Variants in ANKS1B observed in about 807,000 individuals in gnomAD.
ANKS1B encodes the protein ankyrin repeat and sterile alpha motif domain-containing protein 1B.
In ANKS1B, 36 loss-of-function variants were observed where a neutral mutation model predicts 148.3. The ratio of observed to expected loss-of-function variants is 0.24; its 90% CI spans 0.19 to 0.32. ANKS1B has a LOEUF of 0.32. Among genes scored for constraint, ANKS1B ranks in the 10% least tolerant of loss-of-function variants. The pLI, the probability that ANKS1B is intolerant of heterozygous loss-of-function variation, is 1.00. For synonymous variants in ANKS1B, 542 were observed against 560.8 expected (o/e 0.97, Z 0.47); for missense variants, 1,157 against 1,542.6 (o/e 0.75, Z 4.19).
intron 12 of ANKS1B, among the ~76,000 whole-genome samples, chr12:99,273,617 C>T (rs1261676868): frequency 1.5e-5 from 2 of 136,310 alleles, no homozygotes; most frequent in Admixed American, 7.7e-5. Flanking sequence ...TGCTCTGACA[C>T]CCAGGCTGGA....
intron 15 of ANKS1B, among the ~76,000 whole-genome samples, chr12:99,124,440 G>GTGTGTGTA (rs1212824632): frequency 6.6e-6 from 1 of 152,148 alleles, no homozygotes; most frequent in East Asian, 1.9e-4. Context: ...GTGTGTATGT[G>GTGTGTGTA]TGTAAGGCAG....
chr12:99,244,081 A>T (rs1289694041), intron 14 of ANKS1B, among the ~76,000 whole-genome samples: 1 of 107,510 alleles, frequency 9.3e-6, no homozygotes, highest in Non-Finnish European at 1.7e-5. Context: ...AAGTATTATT[A>T]AAAAATTCTA....
In ANKS1B at chr12:98,895,374, C is replaced by T. The variant is rs931504070; in HGVS notation, c.2779-63238G>A. On this transcript the variant is annotated intron_variant, in intron 17 of 26. Transcript: ENST00000683438. ...AGCAGCGGCGCGGCTCCGCGGGTGCCCAGGTGACCGGCTCGGCAGCGGCAG... is the reference window on the plus strand; with the variant it reads ...AGCAGCGGCGCGGCTCCGCGGGTGCTCAGGTGACCGGCTCGGCAGCGGCAG... 9.6e-6 allele frequency: 9 copies of T among 935,268 alleles called. No individual in the cohort carries two copies. In the African/African-American group the frequency reaches 1.2e-4, roughly 13 times the overall value. The allele number at this position is 935,268 out of a possible 1,614,324, so 57.9% of individuals were successfully genotyped here. A position where few individuals can be genotyped will look rare whatever the true frequency, so the allele number is the denominator to read the frequency against.
chr12:99,044,826 G>T (rs1392939211), intron 17 of ANKS1B, among the ~76,000 whole-genome samples: 1 of 152,180 alleles, frequency 6.6e-6, no homozygotes, highest in African/African-American at 2.4e-5. Flanking sequence ...CATGAAGCCA[G>T]CAGGGCAGGT....
At chr12:99,261,830 T>C (rs1454989105) in intron 12 of ANKS1B, among the ~76,000 whole-genome samples, 1 of 152,116 alleles carries the variant, frequency 6.6e-6, no homozygotes, top group African/African-American at 2.4e-5. Flanking sequence ...AACTCTTCAA[T>C]GGCACCTTGA....
At chr12:98,790,980 T>A (rs145394557) in intron 22 of ANKS1B, among the ~76,000 whole-genome samples, 1 of 152,252 alleles carries the variant, frequency 6.6e-6, no homozygotes, top group African/African-American at 2.4e-5. Context: ...CAAAGAGAAC[T>A]GGGGTTTGAA....
At chr12:99,541,113 T>C (rs2097121772) in intron 9 of ANKS1B, among the ~76,000 whole-genome samples, 1 of 152,186 alleles carries the variant, frequency 6.6e-6, no homozygotes, top group Non-Finnish European at 1.5e-5. Context: ...AGTAAGAGAT[T>C]GAATTTGTAA....
chr12:98,831,529 G>A (rs1463913798), intron 18 of ANKS1B: 1 of 153,192 alleles, frequency 6.5e-6, no homozygotes, highest in Admixed American at 6.5e-5. Flanking sequence ...TTCTTTAAAG[G>A]TAGTGGTTTG....
At chr12:98,764,658 T>C (rs1459409696) in intron 25 of ANKS1B, among the ~76,000 whole-genome samples, 1 of 152,228 alleles carries the variant, frequency 6.6e-6, no homozygotes, top group Non-Finnish European at 1.5e-5. Flanking sequence ...GCACAGCAAA[T>C]ATAAATGGCT....
chr12:99,199,052 T>C (rs1416833767), intron 14 of ANKS1B, among the ~76,000 whole-genome samples: 2 of 152,280 alleles, frequency 1.3e-5, no homozygotes, highest in Non-Finnish European at 2.9e-5. Context: ...TAGTACTAAA[T>C]TGCCAGCTGT....
chr12:99,165,701 A>G (rs576321672), intron 14 of ANKS1B, among the ~76,000 whole-genome samples: 1 of 58 alleles, frequency 0.017, no homozygotes, highest in East Asian at 0.25. Context: ...CCAAACATAT[A>G]GTGAAAGAAA....
rs1487109590 is a variant in ANKS1B at position 99,408,981 on chromosome 12, T to C, written c.1576-9170A>G. ...TAAATAACTAGAAATAGAACTACCA[T>C]ATGATCCTGCAGTCACACTGCTAGG... On this transcript the variant is annotated intron_variant, in intron 11 of 26. Transcript: ENST00000683438. Among the ~76,000 whole-genome samples the C allele has an allele frequency of 2.7e-5, 3 of 111,950 alleles. 1 individual carries two copies. The highest frequency in any genetic ancestry group is 6.0e-5 in the Non-Finnish European group (3 of 50,398). 73.4% of individuals were successfully genotyped at this position (111,950 alleles called of 152,430 possible). A position where few individuals can be genotyped will look rare whatever the true frequency, so the allele number is the denominator to read the frequency against.
At position 98,807,804 on chromosome 12, in the gene ANKS1B, C is replaced by T. The variant is rs772040400; in HGVS notation, c.3141+40G>A. The T allele has an allele frequency of 1.5e-5, 23 of 1,572,060 alleles. 1 individual carries two copies. Among genetic ancestry groups the T allele is most frequent in the Admixed American group, 8.6e-5 (5 of 58,414 alleles). On this transcript the variant is annotated intron_variant, in intron 20 of 26. Coordinates refer to ENST00000683438, the MANE Select transcript of ANKS1B (RefSeq NM_001352186.2). ...CAACACTGTGCAACACAGTACATAG[C>T]GCAAGTTCAGGAGAAGAAAAGAACC...
chr12:99,052,420 T>C (rs1034092171), intron 17 of ANKS1B, among the ~76,000 whole-genome samples: 2 of 152,190 alleles, frequency 1.3e-5, no homozygotes, highest in East Asian at 1.9e-4. Context: ...GGGATTTGTA[T>C]ATGTGATTAA....
intron 4 of ANKS1B, among the ~76,000 whole-genome samples, chr12:99,796,948 G>A (rs1385339170): frequency 6.6e-6 from 1 of 151,880 alleles, no homozygotes; most frequent in East Asian, 1.9e-4. Flanking sequence ...TTTTTAGCCT[G>A]TAAAAATGAA....
chr12:99,052,523 C>A (rs893968557), intron 17 of ANKS1B, among the ~76,000 whole-genome samples: 1 of 146,894 alleles, frequency 6.8e-6, no homozygotes, highest in South Asian at 2.4e-4. Flanking sequence ...GTCAGGAGAT[C>A]GAGACCATCC....
intron 14 of ANKS1B, among the ~76,000 whole-genome samples, chr12:99,204,907 T>G (rs1348386571): frequency 5.3e-5 from 8 of 152,224 alleles, no homozygotes. Flanking sequence ...CTTAGGTTCT[T>G]TTCACACAGA....
chr12:99,506,479 C>T (rs906485609), intron 9 of ANKS1B, among the ~76,000 whole-genome samples: 7 of 152,054 alleles, frequency 4.6e-5, no homozygotes, highest in African/African-American at 1.7e-4. Context: ...AAGTAGAAGG[C>T]ATCCAGAGGA....
intron 14 of ANKS1B, among the ~76,000 whole-genome samples, chr12:99,237,879 G>A (rs2088323994): frequency 6.6e-6 from 1 of 152,210 alleles, no homozygotes; most frequent in Non-Finnish European, 1.5e-5. Flanking sequence ...AGCCTCCCGA[G>A]TACCTGGGAC....
Sources: allele counts gnomAD v4.1 joint callset (sites outside exome capture counted in the v4.1 genomes callset), GRCh38; gene constraint gnomAD v4.1.1; transcripts MANE v1.5; gene names NCBI Gene and HGNC (gene_info 2026-07-23, HGNC 2026-07-21).